The following REPS1 variants were observed in gnomAD, a reference collection of about 807,000 sequenced individuals.
The protein encoded by REPS1 is RALBP1 associated Eps domain containing 1, also known as ralBP1-associated Eps domain-containing protein 1.
A neutral mutation model predicts 100.9 loss-of-function variants in REPS1; 39 were observed. The ratio of observed to expected loss-of-function variants is 0.39; its 90% CI spans 0.30 to 0.50. The LOEUF is 0.50. Ranked by LOEUF, REPS1 falls within the 20% of genes least tolerant of loss-of-function variation. REPS1 has a pLI of 0.86. For synonymous variants in REPS1, 324 were observed against 340.3 expected, an observed-to-expected ratio of 0.95 and a Z score of 0.53; for missense variants, 821 against 968.5, an observed-to-expected ratio of 0.85 and a Z score of 2.02.
intron 1 of REPS1, among the ~76,000 whole-genome samples, chr6:138,967,890 G>A (rs922601639): frequency 6.6e-6 from 1 of 152,122 alleles, no homozygotes; most frequent in African/African-American, 2.4e-5. Context: ...TGAGGTAGGG[G>A]TTACCTTTAT....
At chr6:138,944,955 T>C (rs910781055) in intron 4 of REPS1, among the ~76,000 whole-genome samples, 2 of 152,214 alleles carry the variant, frequency 1.3e-5, no homozygotes, top group Non-Finnish European at 2.9e-5. Flanking sequence ...CAAATTTCCA[T>C]AGTTGGTTTT....
At chr6:138,985,354 A>G (rs533503150) in intron 1 of REPS1, among the ~76,000 whole-genome samples, 113 of 152,280 alleles carry the variant, frequency 7.4e-4, no homozygotes, top group African/African-American at 2.3e-3. Flanking sequence ...GAGCACTCCT[A>G]TAATTGACAA....
In REPS1 at chr6:138,954,729, C is replaced by T. The variant is rs188659686; in HGVS notation, c.154-6816G>A. Among the ~76,000 whole-genome samples, 3 of 152,224 alleles carry T rather than the reference C, an allele frequency of 2.0e-5. No homozygotes were observed. In the East Asian group the frequency reaches 5.8e-4, roughly 29 times the overall value. Reference sequence around the variant, plus strand: ...GAAAATAAAAGGTGATTACATAAGACAGGTAACTTTTTAATCCCAAGGTAT... The same window carrying T: ...GAAAATAAAAGGTGATTACATAAGATAGGTAACTTTTTAATCCCAAGGTAT... On this transcript the variant is annotated intron_variant, in intron 1 of 19. Transcript: ENST00000450536.
At chr6:138,976,807 G>T (rs1582860041) in intron 1 of REPS1, among the ~76,000 whole-genome samples, 1 of 152,176 alleles carries the variant, frequency 6.6e-6, no homozygotes, top group Non-Finnish European at 1.5e-5. Flanking sequence ...ATAAATGTTA[G>T]CTTGATGCTA....
At chr6:138,957,463 A>G (rs1783461684) in intron 1 of REPS1, among the ~76,000 whole-genome samples, 1 of 152,232 alleles carries the variant, frequency 6.6e-6, no homozygotes, top group South Asian at 2.1e-4. Flanking sequence ...AAGAATGGAC[A>G]TTTTCAACCA....
chr6:138,948,072 A>G (rs1782755179), intron 1 of REPS1, among the ~76,000 whole-genome samples, 159 bp from the exon 2 acceptor site: 1 of 152,224 alleles, frequency 6.6e-6, no homozygotes, highest in Non-Finnish European at 1.5e-5. Flanking sequence ...TCAGGTTCAT[A>G]TGTTTACAAA....
At chr6:138,919,194 A>G (rs117568337) in intron 12 of REPS1, among the ~76,000 whole-genome samples, 138 of 152,216 alleles carry the variant, frequency 9.1e-4, no homozygotes, top group Non-Finnish European at 1.7e-3. Context: ...CTTACATCCT[A>G]TAGCACACAG....
chr6:138,916,218 CTTTTTTTTTTTT>C lies in REPS1; in HGVS notation c.1602-254_1602-243del, dbSNP rs10582137. On this transcript the variant is annotated intron_variant, in intron 13 of 19. Coordinates refer to ENST00000450536, the MANE Select transcript of REPS1 (RefSeq NM_001286611.2). Reference sequence around the variant, plus strand: ...GTTATTAAGCAAAATTTCTTTTTTTCTTTTTTTTTTTTTTTTTTTTTTGAGACAGTCTCACTC... The same window carrying C: ...GTTATTAAGCAAAATTTCTTTTTTTCTTTTTTTTTTGAGACAGTCTCACTC... 3.1e-3 allele frequency: 634 copies of C among 207,442 alleles called. 7 individuals carry two copies. The highest frequency in any genetic ancestry group is 0.019 in the African/African-American group (578 of 31,182). The allele number at this position is 207,442 out of a possible 1,614,324, so 12.9% of individuals were successfully genotyped here. A position where few individuals can be genotyped will look rare whatever the true frequency, so the allele number is the denominator to read the frequency against.
At chr6:138,980,941 C>G (rs191886927) in intron 1 of REPS1, among the ~76,000 whole-genome samples, 1 of 152,122 alleles carries the variant, frequency 6.6e-6, no homozygotes, top group Non-Finnish European at 1.5e-5. Context: ...CAAAGAACAG[C>G]CACAAAGAAG....
At chr6:138,983,063 C>G in intron 1 of REPS1, among the ~76,000 whole-genome samples, 1 of 152,158 alleles carries the variant, frequency 6.6e-6, no homozygotes, top group East Asian at 1.9e-4. Context: ...TATTCCTCAC[C>G]CTGCTCCCAA....
intron 7 of REPS1, 124 bp from the exon 8 acceptor site, chr6:138,941,613 A>T (rs888402184): frequency 1.1e-6 from 1 of 905,244 alleles, no homozygotes; most frequent in Non-Finnish European, 1.7e-6. Flanking sequence ...TAAAAATCCC[A>T]TACACAGAAA....
chr6:138,918,368 G>A (rs1471910520), intron 12 of REPS1, among the ~76,000 whole-genome samples: 2 of 152,178 alleles, frequency 1.3e-5, no homozygotes, highest in African/African-American at 4.8e-5. Context: ...ACATATCAGA[G>A]AGCTGAGCAT....
chr6:138,907,905 T>C (rs1052702923), intron 18 of REPS1, among the ~76,000 whole-genome samples: 2 of 152,178 alleles, frequency 1.3e-5, no homozygotes, highest in Non-Finnish European at 2.9e-5. Context: ...TAGTAAATAA[T>C]TTCAGGCTTT....
Position 138,904,663 on chromosome 6 carries a change from TATAGA to T in REPS1, c.*396_*400del, listed in dbSNP as rs79317720. ...ATGGGAAACTCTTTCTAAAGATTTT[TATAGA>T]ATAGATGCTTTATGTAAAATATTAA... On this transcript the variant is annotated 3_prime_UTR_variant, in exon 20 of 20. Coordinates refer to ENST00000450536, the MANE Select transcript of REPS1 (RefSeq NM_001286611.2). The T allele has an allele frequency of 0.15, 22,762 of 153,994 alleles. 1,743 individuals carry two copies. Among genetic ancestry groups the T allele is most frequent in the African/African-American group, 0.17 (7,209 of 41,558 alleles). The allele number at this position is 153,994 out of a possible 1,614,324, so 9.5% of individuals were successfully genotyped here.
rs748201305 is a variant in REPS1 at position 138,943,565 on chromosome 6, T to G, written c.928A>C (p.Lys310Gln). The part of the protein sequence containing the change: ...LNGFIPGSAA[K>Q]EFFTKSKLPI... ...AGTTTTGATTTTGTAAAAAACTCTTTAGCTGCAGATCCTGAAATATTAAAA... is the reference window on the plus strand; with the variant it reads ...AGTTTTGATTTTGTAAAAAACTCTTGAGCTGCAGATCCTGAAATATTAAAA... The change falls in exon 7 of 20, where the codon AAA becomes CAA. Residue 310 changes from lysine to glutamine, a missense_variant. Transcript: ENST00000450536. The G allele has an allele frequency of 6.9e-6, 11 of 1,585,036 alleles. No homozygotes were observed. Among genetic ancestry groups the G allele is most frequent in the Non-Finnish European group, 8.7e-6 (10 of 1,155,036 alleles).
intron 15 of REPS1, 94 bp downstream of exon 15, chr6:138,914,603 T>C: frequency 1.0e-6 from 1 of 993,690 alleles, no homozygotes; most frequent in South Asian, 1.3e-5. Context: ...CAACAGATCA[T>C]TCCTGACCTT....
chr6:138,985,507 A>G (rs1213493401), intron 1 of REPS1, among the ~76,000 whole-genome samples: 1 of 152,210 alleles, frequency 6.6e-6, no homozygotes, highest in African/African-American at 2.4e-5. Flanking sequence ...AGACAATCCC[A>G]AACTCCCTTA....
intron 8 of REPS1, 43 bp from the exon 9 acceptor site, chr6:138,930,141 G>A (rs551088453): frequency 2.9e-5 from 45 of 1,566,346 alleles, no homozygotes; most frequent in South Asian, 1.8e-4. Context: ...AGACTACATT[G>A]TAGTTTATTT....
At chr6:138,950,724 C>T (rs1175359676) in intron 1 of REPS1, among the ~76,000 whole-genome samples, 1 of 152,002 alleles carries the variant, frequency 6.6e-6, no homozygotes, top group Non-Finnish European at 1.5e-5. Context: ...TTGAATTATC[C>T]TCATATACTT....
Sources: gnomAD v4.1 joint callset for allele counts (sites outside exome capture counted in the v4.1 genomes callset) on GRCh38, gnomAD v4.1.1 for gene constraint, MANE v1.5 for transcripts, NCBI Gene and HGNC (gene_info 2026-07-23, HGNC 2026-07-21) for gene names.